FAT3: variants seen among roughly 807,000 people sequenced by gnomAD.
The protein encoded by FAT3 is FAT atypical cadherin 3.
FAT3 carries 95 observed loss-of-function variants against 310.2 expected under a neutral mutation model. That is an observed-to-expected ratio of 0.31 (90% CI 0.26 to 0.36). The LOEUF (loss-of-function observed/expected upper bound fraction) is 0.36, where lower values mean the gene tolerates loss of function less well. Among genes scored for constraint, FAT3 ranks in the 10% least tolerant of loss-of-function variants. The probability of loss-of-function intolerance (pLI) is 1.00; values close to 1 mark genes in which losing one functional copy is unlikely to be tolerated. For synonymous variants in FAT3, 2,314 were observed against 2,192.9 expected, an observed-to-expected ratio of 1.06 and a Z score of -1.54; for missense variants, 5,408 against 5,715.6, an observed-to-expected ratio of 0.95 and a Z score of 1.74.
chr11:92,365,588 C>A (rs1472887891), intron 2 of FAT3, among the ~76,000 whole-genome samples: 1 of 152,154 alleles, frequency 6.6e-6, no homozygotes, highest in African/African-American at 2.4e-5. Context: ...AATTGCATAT[C>A]ATTCCTTTAT....
intron 7 of FAT3, among the ~76,000 whole-genome samples, chr11:92,775,437 C>T (rs1436184681): frequency 6.6e-6 from 1 of 152,102 alleles, no homozygotes; most frequent in African/African-American, 2.4e-5. Flanking sequence ...AGTACAACTC[C>T]TTTACTTTTC....
At chr11:92,562,695 GGA>G (rs1332080081) in intron 3 of FAT3, among the ~76,000 whole-genome samples, 7 of 152,124 alleles carry the variant, frequency 4.6e-5, no homozygotes, top group Admixed American at 6.6e-5. Flanking sequence ...GGGGCATAAG[GGA>G]CTCTGTTATA....
rs545572973 is a variant in FAT3 at position 92,353,155 on chromosome 11, A to G, written c.1043A>G (p.Lys348Arg). The G allele has an allele frequency of 3.7e-6, 6 of 1,613,686 alleles. No homozygotes were observed. The East Asian group carries it at 1.3e-4, about 36-fold the overall frequency. Residue 348 changes from lysine (K) to arginine (R), a missense_variant, in exon 2 of 28, where the codon AAA becomes AGA. By Grantham distance (26) the Lys-to-Arg change is conservative. This residue lies in a region of FAT3 where 4,588 missense variants were observed against 4,809.8 expected (regional missense o/e 0.95). Coordinates refer to ENST00000525166, the MANE Select transcript of FAT3 (RefSeq NM_001367949.2). ...PYGYNLTLQA[K>R]DKGSPQKCSA... ...GGCTACAATCTCACTCTTCAAGCAAAAGACAAGGGATCTCCTCAAAAATGT... is the reference window on the plus strand; with the variant it reads ...GGCTACAATCTCACTCTTCAAGCAAGAGACAAGGGATCTCCTCAAAAATGT...
chr11:92,769,030 A>C (rs1565579839), intron 6 of FAT3, among the ~76,000 whole-genome samples: 2 of 152,132 alleles, frequency 1.3e-5, no homozygotes. Flanking sequence ...TGCATTTCCA[A>C]ATCTAGCCAA....
intron 1 of FAT3, chr11:92,336,004 T>C (rs9666201): frequency 2.1e-6 from 1 of 465,156 alleles, no homozygotes; most frequent in Non-Finnish European, 4.2e-6. Context: ...GGGAAGGTGG[T>C]GCTTCTTGAG....
chr11:92,734,444 C>T (rs1223480084), intron 4 of FAT3, among the ~76,000 whole-genome samples: 1 of 152,158 alleles, frequency 6.6e-6, no homozygotes, highest in Admixed American at 6.5e-5. Context: ...AGAGGCTGAC[C>T]TTGTCCAGGG....
chr11:92,545,401 T>G (rs182837042), intron 3 of FAT3, among the ~76,000 whole-genome samples: 39 of 152,326 alleles, frequency 2.6e-4, no homozygotes, highest in Non-Finnish European at 1.6e-4. Flanking sequence ...AGAGTTTTTG[T>G]CCTTTTGTTC....
At chr11:92,760,138 A>T (rs1321176470) in intron 4 of FAT3, among the ~76,000 whole-genome samples, 1 of 152,232 alleles carries the variant, frequency 6.6e-6, no homozygotes, top group East Asian at 1.9e-4. Flanking sequence ...TTTTGGTCCC[A>T]ATGTGGTTCT....
At chr11:92,244,511 G>A (rs1379738319) in intron 1 of FAT3, among the ~76,000 whole-genome samples, 1 of 152,086 alleles carries the variant, frequency 6.6e-6, no homozygotes, top group Non-Finnish European at 1.5e-5. Context: ...TCTGGTAGTT[G>A]GAAATACTAA....
intron 3 of FAT3, among the ~76,000 whole-genome samples, chr11:92,668,204 A>C (rs1020058409): frequency 3.3e-5 from 5 of 152,250 alleles, no homozygotes; most frequent in African/African-American, 1.2e-4. Context: ...AATGAAATAC[A>C]GTAGAGAATT....
intron 1 of FAT3, among the ~76,000 whole-genome samples, chr11:92,337,037 G>C (rs1221639902): frequency 6.6e-6 from 1 of 152,154 alleles, no homozygotes; most frequent in African/African-American, 2.4e-5. Flanking sequence ...GGTGAGGCTG[G>C]TGCTGTAAAC....
chr11:92,289,547 G>GTC (rs2134389729), intron 1 of FAT3, among the ~76,000 whole-genome samples: 1 of 145,278 alleles, frequency 6.9e-6, no homozygotes, highest in Non-Finnish European at 1.5e-5. Context: ...ATATATATGT[G>GTC]CACATTTTAC....
At chr11:92,864,225 CAAGT>C (rs1318962936) in intron 21 of FAT3, among the ~76,000 whole-genome samples, 2 of 152,102 alleles carry the variant, frequency 1.3e-5, no homozygotes, top group East Asian at 3.9e-4. Context: ...GAGAATGAAC[CAAGT>C]AATATGTTAA....
At chr11:92,462,120 A>G (rs1221800895) in intron 2 of FAT3, among the ~76,000 whole-genome samples, 1 of 152,116 alleles carries the variant, frequency 6.6e-6, no homozygotes, top group African/African-American at 2.4e-5. Context: ...TCTCAGCTTT[A>G]AGGAATTATT....
At chr11:92,291,247 A>G (rs921524639) in intron 1 of FAT3, among the ~76,000 whole-genome samples, 1 of 152,104 alleles carries the variant, frequency 6.6e-6, no homozygotes, top group Non-Finnish European at 1.5e-5. Flanking sequence ...GACCTGAGGT[A>G]TCTCAAGCAC....
At chr11:92,884,048 A>G (rs1949740899) in intron 24 of FAT3, among the ~76,000 whole-genome samples, 1 of 146,072 alleles carries the variant, frequency 6.8e-6, no homozygotes, top group South Asian at 2.3e-4. Context: ...CAAGGCAGAA[A>G]GGTGGTCTGG....
At chr11:92,886,350 T>C (rs1949797174) in intron 24 of FAT3, among the ~76,000 whole-genome samples, 1 of 151,508 alleles carries the variant, frequency 6.6e-6, no homozygotes, top group Non-Finnish European at 1.5e-5. Context: ...TGTGTGTGTG[T>C]GCACGCATGT....
chr11:92,471,191 T>C (rs984216636), intron 2 of FAT3, among the ~76,000 whole-genome samples: 4 of 152,188 alleles, frequency 2.6e-5, no homozygotes, highest in Non-Finnish European at 4.4e-5. Context: ...ATCCGAAGCC[T>C]AAATCTTTTA....
At chr11:92,474,129 C>T (rs190156733) in intron 2 of FAT3, among the ~76,000 whole-genome samples, 89 of 152,298 alleles carry the variant, frequency 5.8e-4, no homozygotes, top group African/African-American at 2.0e-3. Context: ...CCAACAGCTT[C>T]TTATAAACCC....
Sources: allele counts gnomAD v4.1 joint callset (sites outside exome capture counted in the v4.1 genomes callset), GRCh38; gene constraint gnomAD v4.1.1; regional missense constraint gnomAD v4.1.1; transcripts MANE v1.5; gene names NCBI Gene and HGNC (gene_info 2026-07-23, HGNC 2026-07-21).